Variants in ZNF821 observed in about 807,000 individuals in gnomAD.
The protein encoded by ZNF821 is zinc finger protein 821.
Under a neutral mutation model 44.3 loss-of-function variants are expected in ZNF821, and 16 were observed. That is an observed-to-expected ratio of 0.36 (90% CI 0.24 to 0.55). The LOEUF is 0.55. ZNF821 is among the 20% of genes least tolerant of loss of function. The pLI is 0.86. For synonymous variants in ZNF821, 204 were observed against 197.6 expected, an observed-to-expected ratio of 1.03 and a Z score of -0.27; for missense variants, 436 against 547.6, an observed-to-expected ratio of 0.80 and a Z score of 2.03.
At position 71,865,042 on chromosome 16, in the gene ZNF821, C is replaced by T. The variant is rs1250953584; in HGVS notation, c.173G>A (p.Ser58Asn). The T allele has an allele frequency of 1.9e-6, 3 of 1,614,128 alleles. No individual in the cohort carries two copies. Among genetic ancestry groups the T allele is most frequent in the Non-Finnish European group, 2.5e-6 (3 of 1,180,062 alleles). ...LRDQDSSSSD[S>N]EGDEEETTQD... ...TGTCGTCTCCTCTTCATCACCCTCA[C>T]TGTCACCTGGAACACACAAACTGGT... The change falls in exon 5 of 8, where the codon AGT becomes AAT. Residue 58 changes from serine (S) to asparagine (N), a missense_variant. Transcript: ENST00000425432.
At chr16:71,889,529 C>T (rs141487220), upstream of ZNF821, among the ~76,000 whole-genome samples, 5 of 151,952 alleles carry the variant, frequency 3.3e-5, no homozygotes, top group African/African-American at 7.2e-5. Flanking sequence ...AAAAATTAGC[C>T]GGGTGTGGTG....
chr16:71,868,250 G>T (rs556549959), intron 3 of ZNF821, among the ~76,000 whole-genome samples: 1 of 152,202 alleles, frequency 6.6e-6, no homozygotes, highest in African/African-American at 2.4e-5. Flanking sequence ...AGCATCACTT[G>T]CTCCTCTTAA....
At chr16:71,876,632 T>G (rs564584738) in intron 3 of ZNF821, among the ~76,000 whole-genome samples, 1 of 152,302 alleles carries the variant, frequency 6.6e-6, no homozygotes, top group Non-Finnish European at 1.5e-5. Flanking sequence ...AGGATCTCAC[T>G]CCGACGCTCA....
chr16:71,867,678 C>G (rs1222526237), intron 4 of ZNF821, among the ~76,000 whole-genome samples: 1 of 150,470 alleles, frequency 6.6e-6, no homozygotes, highest in Non-Finnish European at 1.5e-5. Context: ...AAGAGCGAAA[C>G]TCTGTCACAA....
At chr16:71,892,563 C>T (rs1394602786) in intron 1 of ZNF821, among the ~76,000 whole-genome samples, 2 of 149,708 alleles carry the variant, frequency 1.3e-5, no homozygotes, top group Non-Finnish European at 3.0e-5. Flanking sequence ...CCACCGTGCC[C>T]GGCCAAAATT....
chr16:71,881,263 C>T (rs1190245760), intron 2 of ZNF821: 1 of 152,200 alleles, frequency 6.6e-6, no homozygotes, highest in South Asian at 2.1e-4. Flanking sequence ...CAACTAACTC[C>T]TCTATGTAGC....
chr16:71,864,202 C>A lies in ZNF821; in HGVS notation c.353G>T (p.Cys118Phe). The A allele has an allele frequency of 6.2e-7, 1 of 1,614,228 alleles. No homozygotes were observed. The highest frequency in any genetic ancestry group is 1.1e-5 in the South Asian group (1 of 91,086). Residue 118 changes from cysteine to phenylalanine, a missense_variant, in exon 6 of 8, where the codon TGC becomes TTC. By Grantham distance (205) the Cys-to-Phe change is radical (BLOSUM62 -2). Coordinates refer to ENST00000425432, the MANE Select transcript of ZNF821 (RefSeq NM_001201552.2). ...GTCTAGCTGGCAGAGGGGACACTGG[C>A]AGAGTTCAAGCAAGGGGTCAGAATT... ...NLNSDPLLEL[C>F]QCPLCQLDCG...
upstream of ZNF821, chr16:71,884,495 C>A (rs1489610819): frequency 6.6e-6 from 1 of 152,352 alleles, no homozygotes; most frequent in East Asian, 1.9e-4. Flanking sequence ...GGTTTCTTAC[C>A]CCACCATCGA....
chr16:71,894,244 C>G (rs1204907403), intron 1 of ZNF821: 1 of 152,136 alleles, frequency 6.6e-6, no homozygotes, highest in African/African-American at 2.4e-5. Context: ...TGACTTCCTT[C>G]TGGAGGCCCC....
chr16:71,864,691 A>T, intron 5 of ZNF821: 1 of 574,880 alleles, frequency 1.7e-6, no homozygotes, highest in East Asian at 3.0e-5. Flanking sequence ...AGCTGTGCAC[A>T]GGCGCAGCGA....
At chr16:71,884,377 G>A (rs1304175302), upstream of ZNF821, among the ~76,000 whole-genome samples, 1 of 152,036 alleles carries the variant, frequency 6.6e-6, no homozygotes, top group Non-Finnish European at 1.5e-5. Flanking sequence ...CAGGGCTCCG[G>A]AACCCCCCGC....
intron 1 of ZNF821, among the ~76,000 whole-genome samples, chr16:71,892,921 G>C (rs2142504252): frequency 6.7e-6 from 1 of 150,174 alleles, no homozygotes; most frequent in East Asian, 2.0e-4. Flanking sequence ...AGTAGACACA[G>C]GGTTTCACCA....
intron 3 of ZNF821, among the ~76,000 whole-genome samples, chr16:71,869,009 C>T (rs2034878943): frequency 6.6e-6 from 1 of 152,116 alleles, no homozygotes; most frequent in African/African-American, 2.4e-5. Context: ...CAGGCCTATC[C>T]TTGATTTTGC....
rs2033656816 is a variant in ZNF821 at position 71,860,089 on chromosome 16, C to T, written c.1168G>A (p.Gly390Arg). Reference sequence around the variant, plus strand: ...AGAAGCTGGCTGTCCAACTCCACCCCACTTACAGGCAGCTGGAAGAAGTTC... The same window carrying T: ...AGAAGCTGGCTGTCCAACTCCACCCTACTTACAGGCAGCTGGAAGAAGTTC... ...EMNFFQLPVS[G>R]VELDSQLLGK... The change falls in exon 8 of 8, where the codon GGG (glycine) becomes AGG (arginine). Residue 390 changes from glycine to arginine, a missense_variant. Gly to Arg is a moderately radical substitution (Grantham distance 125). This residue lies in a region of ZNF821 where 55 missense variants were observed against 56.9 expected (regional missense o/e 0.97). Transcript: ENST00000425432. This position sits in a 1 kb window ranked among gnomAD's most constrained non-coding sequence, Gnocchi z 7.3. 4 of 1,614,068 alleles carry T rather than the reference C, an allele frequency of 2.5e-6. No individual in the cohort carries two copies. The African/African-American group carries it at 5.3e-5, about 22-fold the overall frequency.
intron 6 of ZNF821, among the ~76,000 whole-genome samples, chr16:71,863,723 A>C (rs998233958): frequency 2.0e-5 from 3 of 151,056 alleles, no homozygotes; most frequent in Non-Finnish European, 4.4e-5. Flanking sequence ...TTTGAGACAG[A>C]GTCTAACTCT....
rs574097786 is a variant in ZNF821, at chr16:71,892,824, C to T, written n.448+2065G>A. On this transcript the variant is annotated intron_variant and non_coding_transcript_variant, in intron 1 of 2. Transcript: ENST00000561700. Reference sequence around the variant, plus strand: ...TCGGGTCACTGCAACCTCCGCCTCCCGGTTCAAGCGATTCTTCTGCCTCAG... The same window carrying T: ...TCGGGTCACTGCAACCTCCGCCTCCTGGTTCAAGCGATTCTTCTGCCTCAG... 3.4e-5 allele frequency among the ~76,000 whole-genome samples: 5 copies of T among 149,010 alleles called. No homozygotes were observed. In the East Asian group the frequency reaches 1.0e-3, roughly 30 times the overall value.
intron 2 of ZNF821, among the ~76,000 whole-genome samples, chr16:71,882,789 CA>C (rs1316384687): frequency 1.3e-5 from 2 of 152,114 alleles, no homozygotes; most frequent in Non-Finnish European, 2.9e-5. Flanking sequence ...CTCTTGACCA[CA>C]AAGCAAGATC....
chr16:71,870,343 G>C (rs928297735), intron 3 of ZNF821, among the ~76,000 whole-genome samples: 2 of 151,502 alleles, frequency 1.3e-5, no homozygotes, highest in Non-Finnish European at 2.9e-5. Flanking sequence ...ATGACACATT[G>C]GATATAAATT....
At chr16:71,887,856 CTTTTTTT>C (rs555295344), upstream of ZNF821, among the ~76,000 whole-genome samples, 2 of 133,638 alleles carry the variant, frequency 1.5e-5, no homozygotes, top group African/African-American at 2.8e-5. Flanking sequence ...ATTGAGTTGT[CTTTTTTT>C]TTTTTTTTTT....
Sources: allele counts gnomAD v4.1 joint callset (sites outside exome capture counted in the v4.1 genomes callset), GRCh38; gene constraint gnomAD v4.1.1; regional missense constraint gnomAD v4.1.1; non-coding constraint Gnocchi (gnomAD v3.1); transcripts MANE v1.5; gene names NCBI Gene and HGNC (gene_info 2026-07-23, HGNC 2026-07-21).